The following ABCC4 variants were observed in gnomAD, a reference collection of about 807,000 sequenced individuals.
ABCC4 encodes the protein ATP-binding cassette sub-family C member 4.
In ABCC4, 102 loss-of-function variants were observed where a neutral mutation model predicts 168.5. The observed-to-expected ratio is 0.61, with a 90% CI of 0.52 to 0.71. ABCC4 has a LOEUF of 0.71. Ranked by LOEUF, ABCC4 falls within the 30% of genes least tolerant of loss-of-function variation. ABCC4 has a pLI of 0.00. For missense variants in ABCC4, 1,402 were observed against 1,605.8 expected (o/e 0.87, Z 2.17); for synonymous variants, 617 against 590.7 (o/e 1.04, Z -0.65).
chr13:95,040,226 C>A (rs1354008941), intron 29 of ABCC4, among the ~76,000 whole-genome samples: 1 of 152,102 alleles, frequency 6.6e-6, no homozygotes, highest in Non-Finnish European at 1.5e-5. Flanking sequence ...ATTTATTCTC[C>A]CAGTGTGTTC....
intron 26 of ABCC4, chr13:95,053,869 T>A (rs113423125): frequency 0.057 from 8,659 of 151,196 alleles, 306 homozygotes; most frequent in African/African-American, 0.087. Flanking sequence ...CCCAGCTACT[T>A]AGGAGGCTGA....
At chr13:95,203,387 A>G (rs2038686570) in intron 8 of ABCC4, among the ~76,000 whole-genome samples, 2 of 145,844 alleles carry the variant, frequency 1.4e-5, no homozygotes, top group South Asian at 2.2e-4. Flanking sequence ...CCCAGACTAC[A>G]GTGCAGTGGC....
intron 19 of ABCC4, among the ~76,000 whole-genome samples, chr13:95,150,710 C>T (rs2036646863): frequency 6.6e-6 from 1 of 152,136 alleles, no homozygotes; most frequent in Admixed American, 6.5e-5. Context: ...CCTATCAATA[C>T]TTCTAAAAGC....
intron 20 of ABCC4, among the ~76,000 whole-genome samples, chr13:95,101,893 T>C (rs893827011): frequency 4.6e-5 from 7 of 152,240 alleles, no homozygotes; most frequent in African/African-American, 1.7e-4. Context: ...CTTAAAAATA[T>C]ACGTAGTATT....
intron 19 of ABCC4, among the ~76,000 whole-genome samples, chr13:95,122,563 A>G (rs1566439313): frequency 6.6e-6 from 1 of 152,210 alleles, no homozygotes; most frequent in Non-Finnish European, 1.5e-5. Flanking sequence ...GAGGTAGAAG[A>G]GAGGTCTCTT....
At chr13:95,298,439 AC>A (rs1820495664) in intron 1 of ABCC4, among the ~76,000 whole-genome samples, 1 of 151,930 alleles carries the variant, frequency 6.6e-6, no homozygotes, top group Non-Finnish European at 1.5e-5. Context: ...AAACCTCACC[AC>A]CCCCACCCAC....
intron 1 of ABCC4, among the ~76,000 whole-genome samples, chr13:95,253,287 A>G (rs1292267969): frequency 1.3e-5 from 2 of 152,198 alleles, no homozygotes; most frequent in Non-Finnish European, 2.9e-5. Context: ...TCTCTGTAGC[A>G]TCTGTCGCCA....
rs2031020706 is a variant in ABCC4 at position 95,020,282 on chromosome 13, T to C, written c.*1293A>G. On this transcript the variant is annotated 3_prime_UTR_variant, in exon 31 of 31. Coordinates refer to ENST00000645237, the MANE Select transcript of ABCC4 (RefSeq NM_005845.5). ...ATACAAACAAATGCACACGTGTGCA[T>C]GTCTATATACATATATGCAATTTCA... is the stretch of plus-strand genomic sequence containing the variant. 6.6e-6 allele frequency: 1 copy of C among 152,276 alleles called. No homozygotes were observed. The highest frequency in any genetic ancestry group is 6.5e-5 in the Admixed American group (1 of 15,280). 9.4% of individuals were successfully genotyped at this position (152,276 alleles called of 1,614,324 possible).
chr13:95,128,651 G>A (rs9590187), intron 19 of ABCC4, among the ~76,000 whole-genome samples: 112 of 152,228 alleles, frequency 7.4e-4, no homozygotes, highest in Non-Finnish European at 8.5e-4. Context: ...CTTTCACCCC[G>A]AAGGAGAGGC....
intron 29 of ABCC4, among the ~76,000 whole-genome samples, chr13:95,037,077 C>T (rs1393195794): frequency 1.5e-4 from 11 of 72,070 alleles, no homozygotes; most frequent in African/African-American, 3.0e-4. Flanking sequence ...GAGTGAGACT[C>T]TGTGTCCAAA....
intron 1 of ABCC4, among the ~76,000 whole-genome samples, 160 bp from the exon 2 acceptor site, chr13:95,247,913 CAT>C (rs1311502878): frequency 7.1e-6 from 1 of 141,736 alleles, no homozygotes; most frequent in African/African-American, 2.6e-5. Flanking sequence ...GAAAAGTTAA[CAT>C]GTGCACACAC....
chr13:95,141,120 T>C (rs3852616), intron 19 of ABCC4, among the ~76,000 whole-genome samples: 6,763 of 152,270 alleles, frequency 0.044, 217 homozygotes, highest in Middle Eastern at 0.13. Context: ...AAAGGTTTCC[T>C]TACAGCTGAA....
In ABCC4 at chr13:95,206,775, C is replaced by A; in HGVS notation, c.918G>T (p.Glu306Asp). 1 of 1,614,068 alleles carries A rather than the reference C, an allele frequency of 6.2e-7. No homozygotes were observed. Among genetic ancestry groups the A allele is most frequent in the Middle Eastern group, 1.6e-4 (1 of 6,062 alleles). ...SNLITNLRKK[E>D]ISKILRSSCL... is the part of the protein sequence containing the mutation. ...AGGAACTTCTCAGAATCTTGGAAAT[C>A]TCCTTCCTGAAAGAGAGTACAGGTT... Residue 306 changes from glutamate to aspartate, a missense_variant, in exon 8 of 31, where the codon GAG (glutamate) becomes GAT (aspartate). Physicochemically the swap from Glu to Asp is conservative, Grantham distance 45. Coordinates refer to ENST00000645237, the MANE Select transcript of ABCC4 (RefSeq NM_005845.5).
chr13:95,212,378 A>G (rs1376202887), intron 4 of ABCC4, among the ~76,000 whole-genome samples: 1 of 152,206 alleles, frequency 6.6e-6, no homozygotes, highest in Non-Finnish European at 1.5e-5. Flanking sequence ...TACATACAAA[A>G]TGTTAATCCC....
intron 19 of ABCC4, among the ~76,000 whole-genome samples, chr13:95,131,875 G>GA (rs558998714): frequency 1.0e-3 from 156 of 148,666 alleles, no homozygotes; most frequent in Middle Eastern, 3.4e-3. Context: ...CAGGTGCAAT[G>GA]AAAAAAAAAA....
intron 1 of ABCC4, among the ~76,000 whole-genome samples, chr13:95,291,993 T>C (rs2041415937): frequency 1.3e-5 from 2 of 152,238 alleles, no homozygotes; most frequent in East Asian, 1.9e-4. Context: ...CCCAAACTCA[T>C]GACCAATTGA....
chr13:95,288,822 C>T (rs2041323457), intron 1 of ABCC4, among the ~76,000 whole-genome samples: 1 of 151,780 alleles, frequency 6.6e-6, no homozygotes, highest in South Asian at 2.1e-4. Flanking sequence ...TCCCATTTAC[C>T]TACAGCCTAA....
Position 95,075,453 on chromosome 13 carries a change from C to T in ABCC4, c.2785G>A (p.Ala929Thr). Residue 929 changes from alanine (A) to threonine (T), a missense_variant, in exon 22 of 31, where the codon GCA becomes ACA. Around this residue, in one of 3 missense-constraint regions of ABCC4, gnomAD observed 1,007 missense variants for 1,127.3 expected, o/e 0.89. Transcript: ENST00000645237. ...AEERCQELFDAHQDLHSEAWF... is the reference protein window; with the variant it reads ...AEERCQELFDTHQDLHSEAWF... The stretch of plus-strand genomic sequence containing the variant: ...AGACCTGAATGTAAATCCTGGTGTG[C>T]ATCAAACAGTTCCTGACACCTCTCT... 1.2e-6 allele frequency: 2 copies of T among 1,614,134 alleles called. No individual in the cohort carries two copies. The highest frequency in any genetic ancestry group is 1.7e-6 in the Non-Finnish European group (2 of 1,180,012).
At chr13:95,185,725 T>C (rs1007889575) in intron 11 of ABCC4, among the ~76,000 whole-genome samples, 2 of 151,156 alleles carry the variant, frequency 1.3e-5, no homozygotes, top group African/African-American at 4.9e-5. Context: ...TATTTACCAT[T>C]TTTTCTATCT....
Sources: gnomAD v4.1 joint callset for allele counts (sites outside exome capture counted in the v4.1 genomes callset) on GRCh38, gnomAD v4.1.1 for gene constraint, gnomAD v4.1.1 regional missense constraint, MANE v1.5 for transcripts, NCBI Gene and HGNC (gene_info 2026-07-23, HGNC 2026-07-21) for gene names.